LONRF1: variants seen among roughly 807,000 people sequenced by gnomAD.
The protein encoded by LONRF1 is LON peptidase N-terminal domain and ring finger 1, also known as LON peptidase N-terminal domain and RING finger protein 1.
LONRF1 carries 37 observed loss-of-function variants against 85.8 expected under a neutral mutation model. The observed-to-expected ratio is 0.43, with a 90% CI of 0.33 to 0.57. LONRF1 has a LOEUF of 0.57. Ranked by LOEUF, LONRF1 falls within the 20% of genes least tolerant of loss-of-function variation. LONRF1 has a pLI of 0.04. For synonymous variants in LONRF1, 517 were observed against 390.1 expected, an observed-to-expected ratio of 1.33 and a Z score of -3.83; for missense variants, 1,036 against 978.0, an observed-to-expected ratio of 1.06 and a Z score of -0.79.
rs1046138549 is a variant in LONRF1, at chr8:12,735,950, A to T, written c.1452-550T>A. ...TGTTAGACTTAATACTAAATGTATTATTCAAACATTACAGAACAACTAGTT... is the reference window on the plus strand; with the variant it reads ...TGTTAGACTTAATACTAAATGTATTTTTCAAACATTACAGAACAACTAGTT... On this transcript the variant is annotated intron_variant, in intron 6 of 11. Transcript: ENST00000398246. 9.2e-5 allele frequency among the ~76,000 whole-genome samples: 14 copies of T among 152,328 alleles called. No homozygotes were observed. The South Asian group carries it at 2.7e-3, about 29-fold the overall frequency.
intron 1 of LONRF1, among the ~76,000 whole-genome samples, chr8:12,749,796 G>C (rs1209182093): frequency 6.6e-6 from 1 of 152,062 alleles, no homozygotes; most frequent in Non-Finnish European, 1.5e-5. Flanking sequence ...TAGAGATATA[G>C]TCTCGGTTAA....
chr8:12,728,596 A>T (rs1431688550), intron 10 of LONRF1, among the ~76,000 whole-genome samples: 1 of 152,236 alleles, frequency 6.6e-6, no homozygotes, highest in Non-Finnish European at 1.5e-5. Context: ...CACTATTGTT[A>T]AGTACCTATC....
chr8:12,735,253 G>C, intron 7 of LONRF1, 33 bp downstream of exon 7: 2 of 1,430,818 alleles, frequency 1.4e-6, no homozygotes, highest in African/African-American at 1.4e-5. Flanking sequence ...CCAAACTTAA[G>C]ACCAACAAAC....
At chr8:12,754,068 G>C (rs1300846873) in intron 1 of LONRF1, 6 of 152,186 alleles carry the variant, frequency 3.9e-5, no homozygotes, top group Non-Finnish European at 5.9e-5. Flanking sequence ...GGCCTGCAGG[G>C]CCTCCCGGGG....
At chr8:12,745,475 C>A (rs1585252222) in intron 1 of LONRF1, among the ~76,000 whole-genome samples, 1 of 152,294 alleles carries the variant, frequency 6.6e-6, no homozygotes, top group East Asian at 1.9e-4. Context: ...CAAGGTCTGC[C>A]TTCCACGTAA....
At chr8:12,745,409 G>A (rs74595129) in intron 1 of LONRF1, among the ~76,000 whole-genome samples, 1 of 115,202 alleles carries the variant, frequency 8.7e-6, no homozygotes, top group Non-Finnish European at 1.8e-5. Context: ...CCATCACACT[G>A]ATCTCAAATT....
chr8:12,737,774 A>T (rs1317920145), intron 4 of LONRF1, among the ~76,000 whole-genome samples: 1 of 152,188 alleles, frequency 6.6e-6, no homozygotes, highest in Non-Finnish European at 1.5e-5. Context: ...AAAGAACTAA[A>T]AGTTTTCTTT....
intron 1 of LONRF1, among the ~76,000 whole-genome samples, chr8:12,746,279 GCCTGGCT>G (rs903872483): frequency 1.3e-5 from 2 of 152,014 alleles, no homozygotes; most frequent in African/African-American, 4.8e-5. Context: ...GTTCCTCCAT[GCCTGGCT>G]CCTGCCCATC....
intron 11 of LONRF1, among the ~76,000 whole-genome samples, chr8:12,723,539 A>T (rs1806014478): frequency 6.6e-6 from 1 of 152,226 alleles, no homozygotes; most frequent in Non-Finnish European, 1.5e-5. Context: ...TTACACTAGC[A>T]AGGCTTCTCG....
chr8:12,726,184 A>G (rs1479270393), intron 10 of LONRF1, among the ~76,000 whole-genome samples: 2 of 152,214 alleles, frequency 1.3e-5, no homozygotes, highest in African/African-American at 4.8e-5. Context: ...GTTCTGGTTC[A>G]GAGGTCTAAT....
rs114130273 is a variant in LONRF1 at position 12,749,611 on chromosome 8, T to C, written c.721+5089A>G. ...TCTAAGATAATTCAGTTTTGGTAAA[T>C]TCTGCATTTGATGAATGAAAAACAG... On this transcript the variant is annotated intron_variant, in intron 1 of 11. Coordinates refer to ENST00000398246, the MANE Select transcript of LONRF1 (RefSeq NM_152271.5). Among the ~76,000 whole-genome samples, 1,129 of 152,278 alleles carry C rather than the reference T, an allele frequency of 7.4e-3. 10 individuals carry two copies. The highest frequency in any genetic ancestry group is 0.026 in the African/African-American group (1,089 of 41,564).
Position 12,735,417 on chromosome 8 carries a change from T to A in LONRF1, c.1452-17A>T. 1 of 1,494,616 alleles carries A rather than the reference T, an allele frequency of 6.7e-7. No homozygotes were observed. Among genetic ancestry groups the A allele is most frequent in the East Asian group, 2.3e-5 (1 of 43,382 alleles). 92.6% of individuals were successfully genotyped at this position (1,494,616 alleles called of 1,614,324 possible). A position where few individuals can be genotyped will look rare whatever the true frequency, so the allele number is the denominator to read the frequency against. On this transcript the variant is annotated splice_polypyrimidine_tract_variant and intron_variant, in intron 6 of 11. Coordinates refer to ENST00000398246, the MANE Select transcript of LONRF1 (RefSeq NM_152271.5). ...AAAAACAACCTGAAATCAACCAAGATACATGTTAGTTTTCACATTAAACTA... is the reference window on the plus strand; with the variant it reads ...AAAAACAACCTGAAATCAACCAAGAAACATGTTAGTTTTCACATTAAACTA...
intron 8 of LONRF1, among the ~76,000 whole-genome samples, chr8:12,731,338 T>G (rs1798521691): frequency 6.6e-6 from 1 of 152,144 alleles, no homozygotes; most frequent in African/African-American, 2.4e-5. Flanking sequence ...CTTCCGGGCC[T>G]CCATGTGACA....
At chr8:12,743,409 C>G in intron 1 of LONRF1, 127 bp from the exon 2 acceptor site, 1 of 647,036 alleles carries the variant, frequency 1.5e-6, no homozygotes. Context: ...AAACTAAAGT[C>G]TATAAGCCAA....
At chr8:12,740,086 C>T (rs1465268381) in intron 3 of LONRF1, among the ~76,000 whole-genome samples, 1 of 152,112 alleles carries the variant, frequency 6.6e-6, no homozygotes, top group African/African-American at 2.4e-5. Flanking sequence ...TTAGGTTTAA[C>T]ATGATCCCCA....
chr8:12,733,217 A>G (rs1218752330), intron 7 of LONRF1, among the ~76,000 whole-genome samples: 1 of 152,200 alleles, frequency 6.6e-6, no homozygotes, highest in Non-Finnish European at 1.5e-5. Context: ...AATTAATCAA[A>G]TTAGCTGTCA....
At chr8:12,729,499 C>G in intron 8 of LONRF1, 167 bp from the exon 9 acceptor site, 1 of 616,468 alleles carries the variant, frequency 1.6e-6, no homozygotes, top group Non-Finnish European at 2.8e-6. Context: ...GAATCAGCAC[C>G]CCGTTCACTA....
chr8:12,736,565 G>C (rs1482528587), intron 6 of LONRF1, 136 bp downstream of exon 6: 1 of 623,356 alleles, frequency 1.6e-6, no homozygotes, highest in Non-Finnish European at 2.7e-6. Flanking sequence ...GGTAAACCCA[G>C]GACTAAAATT....
intron 1 of LONRF1, among the ~76,000 whole-genome samples, chr8:12,751,171 C>T (rs1399093158): frequency 6.6e-6 from 1 of 152,018 alleles, no homozygotes. Context: ...TCCATAGATG[C>T]CTCAGTTTCC....
Sources: allele counts gnomAD v4.1 joint callset (sites outside exome capture counted in the v4.1 genomes callset), GRCh38; gene constraint gnomAD v4.1.1; transcripts MANE v1.5; gene names NCBI Gene and HGNC (gene_info 2026-07-23, HGNC 2026-07-21).